The following HSPG2 variants were observed in gnomAD, a reference collection of about 807,000 sequenced individuals.
The protein encoded by HSPG2 is heparan sulfate proteoglycan 2.
A neutral mutation model predicts 526.6 loss-of-function variants in HSPG2; 278 were observed. The observed-to-expected ratio is 0.53, with a 90% confidence interval of 0.48 to 0.58. HSPG2 has a LOEUF of 0.58. HSPG2 is among the 20% of genes least tolerant of loss of function. The probability of loss-of-function intolerance (pLI) is 0.00; values close to 1 mark genes in which losing one functional copy is unlikely to be tolerated. For missense variants in HSPG2, 5,354 were observed against 6,099.5 expected, an observed-to-expected ratio of 0.88 and a Z score of 4.07; for synonymous variants, 2,465 against 2,555.4, an observed-to-expected ratio of 0.96 and a Z score of 1.07.
rs759789250 is a variant in HSPG2 at position 21,857,023 on chromosome 1, T to C, written c.5567A>G (p.His1856Arg). 1.9e-6 allele frequency: 3 copies of C among 1,614,060 alleles called. No individual in the cohort carries two copies. Among genetic ancestry groups the C allele is most frequent in the Non-Finnish European group, 2.5e-6 (3 of 1,179,980 alleles). The change falls in exon 44 of 97, where the codon CAT becomes CGT. Residue 1856 changes from histidine (H) to arginine (R), a missense_variant. His to Arg is a conservative substitution (Grantham distance 29). Transcript: ENST00000374695. ...FAMDQGTATL[H>R]VQASGTLSAP... ...ATAGATGGGAGGTGTACCCTGCACA[T>C]GTAGAGTGGCTGTGCCCTGGTCCAT...
rs987260371 is a variant in HSPG2, at chr1:21,856,062, A to G, written c.5576-150T>C. ...GCCAGAGGGAGCTTGGGAAATGTCAACAGGACCTTGTGACCTCCCACCTTG... is the reference window on the plus strand; with the variant it reads ...GCCAGAGGGAGCTTGGGAAATGTCAGCAGGACCTTGTGACCTCCCACCTTG... On this transcript the variant is annotated intron_variant, in intron 44 of 96. Transcript: ENST00000374695. 2.7e-6 allele frequency: 3 copies of G among 1,110,400 alleles called. No individual in the cohort carries two copies. In the African/African-American group the frequency reaches 4.6e-5, roughly 17 times the overall value. 68.8% of individuals were successfully genotyped at this position (1,110,400 alleles called of 1,614,324 possible).
rs1417449165 is a variant in HSPG2 at position 21,876,416 on chromosome 1, G to A, written c.2827-11C>T. The A allele has an allele frequency of 1.2e-6, 2 of 1,610,334 alleles. No homozygotes were observed. Among genetic ancestry groups the A allele is most frequent in the Non-Finnish European group, 1.7e-6 (2 of 1,178,416 alleles). ...AGAGGCCCCATGCAACTGGGAGGAG[G>A]AGAAAGGGCTGGGATGGGGGCCGTG... On this transcript the variant is annotated splice_polypyrimidine_tract_variant and intron_variant, in intron 22 of 96. Transcript: ENST00000374695.
Position 21,848,952 on chromosome 1 carries a change from G to A in HSPG2, c.7526C>T (p.Ser2509Leu). Residue 2509 changes from serine to leucine, a missense_variant, in exon 58 of 97, where the codon TCA (serine) becomes TTA (leucine). By Grantham distance (145) the Ser-to-Leu change is moderately radical (BLOSUM62 -2). Coordinates refer to ENST00000374695, the MANE Select transcript of HSPG2 (RefSeq NM_005529.7). The surrounding 1 kb of genome is among the most constrained non-coding windows in gnomAD (Gnocchi z 4.9). ...AAGGACTGAGGCTTCCTGGGTACCT[G>A]AGCTGCCGACCACACGGCACACGTA... ...GEYVCRVVGS[S>L]GTQEASVLVT... 6.2e-7 allele frequency: 1 copy of A among 1,613,926 alleles called. No homozygotes were observed. The highest frequency in any genetic ancestry group is 8.5e-7 in the Non-Finnish European group (1 of 1,179,994).
intron 1 of HSPG2, among the ~76,000 whole-genome samples, chr1:21,896,538 G>A (rs1243185818): frequency 2.6e-5 from 4 of 152,134 alleles, no homozygotes; most frequent in Non-Finnish European, 5.9e-5. Context: ...TGCTATTTCC[G>A]AATGAATCCT....
rs1313915719 is a variant in HSPG2 at position 21,860,472 on chromosome 1, C to T, written c.4956-237G>A. 2.0e-5 allele frequency among the ~76,000 whole-genome samples: 3 copies of T among 152,006 alleles called. 1 individual carries two copies. Among genetic ancestry groups the T allele is most frequent in the African/African-American group, 7.2e-5 (3 of 41,390 alleles). ...TGAGAGAGGTAAGGTCTCTATTCTC[C>T]AGAGAAATTCATTCAGCAAACGTCC... On this transcript the variant is annotated intron_variant, in intron 39 of 96. Coordinates refer to ENST00000374695, the MANE Select transcript of HSPG2 (RefSeq NM_005529.7).
At chr1:21,925,355 T>G (rs963703785) in intron 1 of HSPG2, among the ~76,000 whole-genome samples, 1 of 152,216 alleles carries the variant, frequency 6.6e-6, no homozygotes, top group African/African-American at 2.4e-5. Flanking sequence ...GATGTAGATT[T>G]CATCTCGCAG....
intron 69 of HSPG2, 136 bp downstream of exon 69, chr1:21,841,865 GA>G: frequency 7.4e-7 from 1 of 1,358,768 alleles, no homozygotes; most frequent in Non-Finnish European, 1.0e-6. Context: ...TTGCCATACA[GA>G]GACGGGAAGG....
Position 21,859,915 on chromosome 1 carries a change from C to A in HSPG2, c.5102G>T (p.Ser1701Ile), listed in dbSNP as rs758307137. The A allele has an allele frequency of 3.1e-6, 5 of 1,610,348 alleles. No individual in the cohort carries two copies. In the African/African-American group the frequency reaches 6.7e-5, roughly 21 times the overall value. ...GGSHSLRCQV[S>I]GSPPHYFYWS... ...ATAGAAGTAGTGGGGTGGGCTCCCA[C>A]TGACCTGACACCGCAGGGAGTGGGA... Residue 1701 changes from serine (S) to isoleucine (I), a missense_variant, in exon 41 of 97, where the codon AGT becomes ATT. By Grantham distance (142) the Ser-to-Ile change is moderately radical (BLOSUM62 -2). Coordinates refer to ENST00000374695, the MANE Select transcript of HSPG2 (RefSeq NM_005529.7). The surrounding 1 kb of genome is among the most constrained non-coding windows in gnomAD (Gnocchi z 5.3).
At position 21,890,849 on chromosome 1, in the gene HSPG2, G is replaced by A. The variant is rs1249396497; in HGVS notation, c.245-155C>T. On this transcript the variant is annotated intron_variant, in intron 3 of 96. Coordinates refer to ENST00000374695, the MANE Select transcript of HSPG2 (RefSeq NM_005529.7). This position sits in a 1 kb window ranked among gnomAD's most constrained non-coding sequence, Gnocchi z 4.1. The stretch of plus-strand genomic sequence containing the variant: ...CCCACTGCTACACCCAGGACTGCCT[G>A]TAGGTATACATGCTCAGGGGTCAAT... Among the ~76,000 whole-genome samples the A allele has an allele frequency of 1.3e-5, 2 of 152,232 alleles. No homozygotes were observed. The highest frequency in any genetic ancestry group is 6.5e-5 in the Admixed American group (1 of 15,280).
At position 21,833,411 on chromosome 1, in the gene HSPG2, C is replaced by T. The variant is rs773040578; in HGVS notation, c.10979-27G>A. The T allele has an allele frequency of 1.2e-5, 19 of 1,614,046 alleles. No homozygotes were observed. The Admixed American group carries it at 3.0e-4, about 25-fold the overall frequency. ...TGCCAGCAGAGAGCACAGCTGAAGA[C>T]CCTGCCAGTCAGGGAGTGGGCAGGG... is the stretch of plus-strand genomic sequence containing the variant. On this transcript the variant is annotated intron_variant, in intron 79 of 96. Transcript: ENST00000374695.
chr1:21,925,160 T>A (rs944198862), intron 1 of HSPG2, among the ~76,000 whole-genome samples: 1 of 152,206 alleles, frequency 6.6e-6, no homozygotes, highest in Non-Finnish European at 1.5e-5. Context: ...AATGGAGGCA[T>A]AACCCCAGAT....
intron 6 of HSPG2, chr1:21,888,680 C>A (rs770235946): frequency 7.3e-7 from 1 of 1,364,816 alleles, no homozygotes; most frequent in African/African-American, 1.5e-5. Context: ...GGTGTCACTG[C>A]GACCGCCACA....
rs1557743196 is a variant in HSPG2, at chr1:21,864,548, C to T, written c.4626+295G>A. 6.6e-6 allele frequency among the ~76,000 whole-genome samples: 1 copy of T among 152,168 alleles called. No homozygotes were observed. Among genetic ancestry groups the T allele is most frequent in the Non-Finnish European group, 1.5e-5 (1 of 68,026 alleles). On this transcript the variant is annotated intron_variant, in intron 36 of 96. Coordinates refer to ENST00000374695, the MANE Select transcript of HSPG2 (RefSeq NM_005529.7). The surrounding 1 kb of genome is among the most constrained non-coding windows in gnomAD (Gnocchi z 4.8). ...GGCCCAAACGTGAGGCTGCACTGCC[C>T]AGTGGTTAGGACATGCTAGGCTTTG...
At position 21,879,139 on chromosome 1, in the gene HSPG2, G is replaced by A. The variant is rs745583102; in HGVS notation, c.2344-18C>T. 13 of 1,614,024 alleles carry A rather than the reference G, an allele frequency of 8.1e-6. No individual in the cohort carries two copies. In the South Asian group the frequency reaches 1.4e-4, roughly 18 times the overall value. On this transcript the variant is annotated intron_variant, in intron 17 of 96. Coordinates refer to ENST00000374695, the MANE Select transcript of HSPG2 (RefSeq NM_005529.7). Reference sequence around the variant, plus strand: ...TGGCAATTCTAGAAGAAGGAGGAGGGTATGGCTCAACTTCTAGAGCAGAAC... The same window carrying A: ...TGGCAATTCTAGAAGAAGGAGGAGGATATGGCTCAACTTCTAGAGCAGAAC...
intron 1 of HSPG2, among the ~76,000 whole-genome samples, chr1:21,916,159 G>T (rs1013363671): frequency 4.6e-5 from 7 of 151,964 alleles, no homozygotes; most frequent in Non-Finnish European, 8.8e-5. Flanking sequence ...GAGGTCAGGA[G>T]TTGGAGACCA....
At chr1:21,851,362 G>C (rs1315841044) in intron 55 of HSPG2, 184 bp downstream of exon 55, 2 of 753,654 alleles carry the variant, frequency 2.7e-6, no homozygotes, top group Non-Finnish European at 4.3e-6. Context: ...CTAAGTGGTG[G>C]AGCCAGAATT....
chr1:21,911,510 C>T (rs1485764465), intron 1 of HSPG2, among the ~76,000 whole-genome samples: 1 of 152,172 alleles, frequency 6.6e-6, no homozygotes, highest in Non-Finnish European at 1.5e-5. Context: ...CATCTTAGTC[C>T]TCATGCTGTC....
At chr1:21,846,957 G>C (rs983863059) in intron 62 of HSPG2, among the ~76,000 whole-genome samples, 5 of 151,502 alleles carry the variant, frequency 3.3e-5, no homozygotes, top group African/African-American at 1.2e-4. Context: ...TTGAGATCGC[G>C]CCACTGCACT....
chr1:21,867,308 C>A (rs923564587), intron 33 of HSPG2, among the ~76,000 whole-genome samples: 3 of 152,026 alleles, frequency 2.0e-5, no homozygotes, highest in African/African-American at 7.2e-5. Context: ...CTGGTCTCAA[C>A]TCCTGGCCTG....
Sources: gnomAD v4.1 joint callset for allele counts (sites outside exome capture counted in the v4.1 genomes callset) on GRCh38, gnomAD v4.1.1 for gene constraint, Gnocchi (gnomAD v3.1) non-coding constraint, MANE v1.5 for transcripts, NCBI Gene and HGNC (gene_info 2026-07-23, HGNC 2026-07-21) for gene names.